The following ADGRL3 variants were observed in gnomAD, a reference collection of about 807,000 sequenced individuals.
ADGRL3 encodes the protein adhesion G protein-coupled receptor L3, also known as calcium-independent alpha-latrotoxin receptor 3.
A neutral mutation model predicts 153.5 loss-of-function variants in ADGRL3; 62 were observed. The ratio of observed to expected loss-of-function variants is 0.40; its 90% CI spans 0.33 to 0.50. The LOEUF (loss-of-function observed/expected upper bound fraction) is 0.50. Ranked by LOEUF, ADGRL3 falls within the 20% of genes least tolerant of loss-of-function variation. The pLI, the probability that ADGRL3 is intolerant of heterozygous loss-of-function variation, is 0.47. For synonymous variants in ADGRL3, 710 were observed against 672.5 expected (o/e 1.06, Z -0.86); for missense variants, 1,641 against 1,859.4 (o/e 0.88, Z 2.16).
chr4:61,453,057 T>C (rs2097693635), intron 2 of ADGRL3, among the ~76,000 whole-genome samples: 1 of 152,160 alleles, frequency 6.6e-6, no homozygotes, highest in African/African-American at 2.4e-5. Flanking sequence ...TTCAGAAGTA[T>C]AATAGAGTAA....
chr4:61,517,565 G>T (rs755313195), intron 4 of ADGRL3, 47 bp downstream of exon 4: 6 of 694,606 alleles, frequency 8.6e-6, no homozygotes, highest in Non-Finnish European at 1.6e-5. Flanking sequence ...CTGGGCAGGG[G>T]CTCCTGAGAG....
intron 1 of ADGRL3, among the ~76,000 whole-genome samples, chr4:61,367,018 T>A (rs1258967489): frequency 6.6e-6 from 1 of 152,200 alleles, no homozygotes; most frequent in Non-Finnish European, 1.5e-5. Context: ...TTGTAAACAA[T>A]GTTCTTTTGA....
rs915949124 is a variant in ADGRL3, at chr4:61,767,257, T to G, written c.1399+33703T>G. On this transcript the variant is annotated intron_variant, in intron 8 of 26. Coordinates refer to ENST00000683033, the MANE Select transcript of ADGRL3 (RefSeq NM_001387552.1). Reference sequence around the variant, plus strand: ...TAGTCAGGGAAGCAGATAATTTAGTTAAAGTGTCTCAGCCTAATAAGGGAA... The same window carrying G: ...TAGTCAGGGAAGCAGATAATTTAGTGAAAGTGTCTCAGCCTAATAAGGGAA... Among the ~76,000 whole-genome samples, 18 of 152,014 alleles carry G rather than the reference T, an allele frequency of 1.2e-4. No individual in the cohort carries two copies. In the East Asian group the frequency reaches 3.3e-3, roughly 28 times the overall value.
intron 24 of ADGRL3, among the ~76,000 whole-genome samples, chr4:62,038,444 A>C (rs1726318969): frequency 6.6e-6 from 1 of 152,138 alleles, no homozygotes; most frequent in Admixed American, 6.6e-5. Context: ...TTAAGCTTTT[A>C]GGTAAACTGT....
intron 4 of ADGRL3, among the ~76,000 whole-genome samples, chr4:61,557,501 T>C (rs1268346874): frequency 6.6e-6 from 1 of 152,200 alleles, no homozygotes; most frequent in Non-Finnish European, 1.5e-5. Context: ...ACCCATTTAT[T>C]ATCAATGTGT....
At chr4:62,006,032 A>T (rs13126607) in intron 21 of ADGRL3, among the ~76,000 whole-genome samples, 6,640 of 72,702 alleles carry the variant, frequency 0.091, 410 homozygotes, top group African/African-American at 0.14. Context: ...ATATATATAT[A>T]TTTTTTTTTT....
chr4:61,524,073 A>G (rs187743428), intron 4 of ADGRL3, among the ~76,000 whole-genome samples: 1 of 152,194 alleles, frequency 6.6e-6, no homozygotes, highest in Non-Finnish European at 1.5e-5. Flanking sequence ...ATTTTATACA[A>G]TGACAGATAC....
At position 61,552,383 on chromosome 4, in the gene ADGRL3, T is replaced by C. The variant is rs1325498708; in HGVS notation, c.260-34844T>C. On this transcript the variant is annotated intron_variant, in intron 4 of 26. Transcript: ENST00000683033. ...AAGATCACCAAACTATATCACTGGGTGAGTACCACAAAACAGACTCCCATT... is the reference window on the plus strand; with the variant it reads ...AAGATCACCAAACTATATCACTGGGCGAGTACCACAAAACAGACTCCCATT... Among the ~76,000 whole-genome samples the C allele has an allele frequency of 5.3e-5, 8 of 152,204 alleles. No individual in the cohort carries two copies. In the East Asian group the frequency reaches 1.5e-3, roughly 29 times the overall value.
At chr4:62,011,453 A>G (rs2099186192) in intron 21 of ADGRL3, among the ~76,000 whole-genome samples, 1 of 152,110 alleles carries the variant, frequency 6.6e-6, no homozygotes. Flanking sequence ...GTCTTAGAGT[A>G]TAAAAATGTT....
chr4:61,735,092 A>G (rs1240504091), intron 8 of ADGRL3, among the ~76,000 whole-genome samples: 6 of 152,198 alleles, frequency 3.9e-5, no homozygotes, highest in South Asian at 4.1e-4. Context: ...TTTATGGCCA[A>G]TGGCCTTGTC....
chr4:61,752,851 G>A (rs1025480094), intron 8 of ADGRL3, among the ~76,000 whole-genome samples: 3 of 152,132 alleles, frequency 2.0e-5, no homozygotes, highest in Non-Finnish European at 2.9e-5. Context: ...GGAGGATCAC[G>A]TGAGCCTGGG....
At chr4:61,239,073 A>G (rs1753926388) in intron 1 of ADGRL3, among the ~76,000 whole-genome samples, 1 of 152,124 alleles carries the variant, frequency 6.6e-6, no homozygotes, top group South Asian at 2.1e-4. Context: ...TACTCCTTCA[A>G]GGAATCCTTA....
At chr4:61,748,409 C>A (rs1473034091) in intron 8 of ADGRL3, among the ~76,000 whole-genome samples, 1 of 151,108 alleles carries the variant, frequency 6.6e-6, no homozygotes, top group Admixed American at 6.6e-5. Context: ...CAAGTCAATC[C>A]TAAGCCAAAA....
rs143532062 is a variant in ADGRL3 at position 61,286,613 on chromosome 4, A to T, written c.-240+84848A>T. Among the ~76,000 whole-genome samples the T allele has an allele frequency of 5.7e-4, 87 of 151,852 alleles. No homozygotes were observed. The East Asian group carries it at 0.015, about 26-fold the overall frequency. ...TATATATCATTACTCAGTAATTGGG[A>T]GATTGTGCAAATAATTAAATATAAT... On this transcript the variant is annotated intron_variant, in intron 1 of 26. Transcript: ENST00000683033.
At chr4:61,431,058 C>T (rs887669916) in intron 2 of ADGRL3, among the ~76,000 whole-genome samples, 3 of 152,140 alleles carry the variant, frequency 2.0e-5, no homozygotes, top group Non-Finnish European at 2.9e-5. Context: ...TGAGCCAGAG[C>T]TAGAGTAAGA....
chr4:61,559,211 C>A (rs1213716301), intron 4 of ADGRL3, among the ~76,000 whole-genome samples: 2 of 152,078 alleles, frequency 1.3e-5, no homozygotes, highest in African/African-American at 2.4e-5. Flanking sequence ...TTCTCATCAT[C>A]ATCACGACCA....
chr4:61,557,398 A>C (rs2098772115), intron 4 of ADGRL3, among the ~76,000 whole-genome samples: 1 of 152,166 alleles, frequency 6.6e-6, no homozygotes, highest in Admixed American at 6.6e-5. Context: ...TTACAAATAC[A>C]TCATTGATTC....
chr4:61,453,640 T>C (rs567084755), intron 2 of ADGRL3, among the ~76,000 whole-genome samples: 15 of 152,254 alleles, frequency 9.9e-5, no homozygotes, highest in African/African-American at 3.1e-4. Context: ...CAGGAGCAAA[T>C]TAAATTGGTT....
At chr4:61,220,861 C>A (rs1441162492) in intron 1 of ADGRL3, among the ~76,000 whole-genome samples, 4 of 152,132 alleles carry the variant, frequency 2.6e-5, no homozygotes, top group African/African-American at 9.7e-5. Context: ...GATAAGCATG[C>A]CAGAAATGCC....
Sources: gnomAD v4.1 joint callset for allele counts (sites outside exome capture counted in the v4.1 genomes callset) on GRCh38, gnomAD v4.1.1 for gene constraint, MANE v1.5 for transcripts, NCBI Gene and HGNC (gene_info 2026-07-23, HGNC 2026-07-21) for gene names.